The following LRP1B variants were observed in gnomAD, a reference collection of about 807,000 sequenced individuals.
The protein encoded by LRP1B is LDL receptor related protein 1B, also known as low-density lipoprotein receptor-related protein 1B.
A neutral mutation model predicts 556.6 loss-of-function variants in LRP1B; 217 were observed. The observed-to-expected ratio is 0.39, with a 90% confidence interval of 0.35 to 0.44. The LOEUF (loss-of-function observed/expected upper bound fraction) is 0.44, where lower values mean the gene tolerates loss of function less well. Ranked by LOEUF, LRP1B falls within the 20% of genes least tolerant of loss-of-function variation. LRP1B has a pLI of 1.00. For missense variants in LRP1B, 5,053 were observed against 5,620.8 expected (o/e 0.90, Z 3.23); for synonymous variants, 2,047 against 1,865.8 (o/e 1.10, Z -2.50).
At chr2:141,082,561 ACC>A (rs1699951572) in intron 7 of LRP1B, among the ~76,000 whole-genome samples, 3 of 152,212 alleles carry the variant, frequency 2.0e-5, no homozygotes, top group African/African-American at 7.2e-5. Flanking sequence ...ATATTATCTT[ACC>A]CATGTAACTC....
At chr2:141,398,262 T>C (rs141254285) in intron 3 of LRP1B, among the ~76,000 whole-genome samples, 165 of 152,334 alleles carry the variant, frequency 1.1e-3, no homozygotes, top group Middle Eastern at 3.4e-3. Flanking sequence ...AATGATCTGA[T>C]GTCAGTTGTA....
At chr2:142,003,525 C>G (rs1400664243) in intron 1 of LRP1B, among the ~76,000 whole-genome samples, 1 of 152,160 alleles carries the variant, frequency 6.6e-6, no homozygotes, top group Non-Finnish European at 1.5e-5. Context: ...CCCCTCTGCA[C>G]AACCAGAAGC....
intron 1 of LRP1B, among the ~76,000 whole-genome samples, chr2:141,962,784 A>G (rs1451913538): frequency 6.6e-6 from 1 of 151,848 alleles, no homozygotes; most frequent in African/African-American, 2.4e-5. Flanking sequence ...TTCATATGCT[A>G]CTTGGGCATG....
intron 2 of LRP1B, among the ~76,000 whole-genome samples, chr2:141,571,138 A>G (rs1686512915): frequency 6.7e-6 from 1 of 149,948 alleles, no homozygotes; most frequent in Non-Finnish European, 1.5e-5. Context: ...GACACCCTAT[A>G]CAGGAGTGAT....
intron 41 of LRP1B, among the ~76,000 whole-genome samples, chr2:140,623,885 C>T (rs1283546691): frequency 6.7e-6 from 1 of 148,550 alleles, no homozygotes; most frequent in Non-Finnish European, 1.5e-5. Context: ...TGCCACTGCA[C>T]TCCAATCTGG....
At chr2:141,608,928 A>C (rs1247056157) in intron 2 of LRP1B, among the ~76,000 whole-genome samples, 1 of 152,192 alleles carries the variant, frequency 6.6e-6, no homozygotes, top group African/African-American at 2.4e-5. Context: ...TAATGAATCT[A>C]TTTTAGATTT....
intron 41 of LRP1B, among the ~76,000 whole-genome samples, chr2:140,681,074 A>G (rs1413202472): frequency 6.6e-6 from 1 of 152,194 alleles, no homozygotes; most frequent in Non-Finnish European, 1.5e-5. Flanking sequence ...AGCATTATTG[A>G]ACAAAGTTGT....
chr2:141,747,305 C>A (rs1693950907), intron 2 of LRP1B, among the ~76,000 whole-genome samples: 1 of 152,180 alleles, frequency 6.6e-6, no homozygotes, highest in African/African-American at 2.4e-5. Context: ...AAAAGCCCAG[C>A]TCCACAAATT....
At chr2:141,675,710 T>G (rs1049607172) in intron 2 of LRP1B, among the ~76,000 whole-genome samples, 4 of 151,052 alleles carry the variant, frequency 2.6e-5, no homozygotes, top group African/African-American at 7.3e-5. Context: ...TATGCACTGT[T>G]TTAGTAGAAG....
intron 3 of LRP1B, among the ~76,000 whole-genome samples, chr2:141,354,950 T>C (rs1378824027): frequency 1.3e-5 from 2 of 152,086 alleles, no homozygotes; most frequent in Non-Finnish European, 2.9e-5. Flanking sequence ...AGTAGCAAAA[T>C]AGAAAAATGT....
intron 1 of LRP1B, among the ~76,000 whole-genome samples, chr2:141,973,477 A>G (rs924994508): frequency 2.0e-5 from 3 of 151,804 alleles, no homozygotes; most frequent in Non-Finnish European, 4.4e-5. Context: ...GAAGGAAAAG[A>G]AAAGCAGTTT....
chr2:140,394,872 A>G (rs188298931), intron 66 of LRP1B, among the ~76,000 whole-genome samples: 117 of 152,258 alleles, frequency 7.7e-4, no homozygotes, highest in Non-Finnish European at 1.4e-3. Context: ...TCATAACCTC[A>G]TATTTCTAGG....
rs1399323848 is a variant in LRP1B at position 141,413,012 on chromosome 2, A to C, written c.343+67384T>G. Among the ~76,000 whole-genome samples, 8 of 152,262 alleles carry C rather than the reference A, an allele frequency of 5.3e-5. No individual in the cohort carries two copies. The East Asian group carries it at 1.5e-3, about 29-fold the overall frequency. On this transcript the variant is annotated intron_variant, in intron 3 of 90. Coordinates refer to ENST00000389484, the MANE Select transcript of LRP1B (RefSeq NM_018557.3). ...AAGGCCAGAGCAAGGGGAAGACTTA[A>C]GGCTAGGAGTTCAGTAACAGCCTGG...
intron 2 of LRP1B, among the ~76,000 whole-genome samples, chr2:141,774,091 CA>C (rs1458364414): frequency 6.6e-6 from 1 of 152,162 alleles, no homozygotes; most frequent in African/African-American, 2.4e-5. Flanking sequence ...ACCACTTTGG[CA>C]GAAATCACAA....
intron 41 of LRP1B, among the ~76,000 whole-genome samples, chr2:140,635,012 T>C (rs1303544538): frequency 6.6e-6 from 1 of 152,078 alleles, no homozygotes; most frequent in Non-Finnish European, 1.5e-5. Flanking sequence ...ATGACAGTAA[T>C]ATATTAGCAA....
intron 86 of LRP1B, chr2:140,269,324 G>A (rs1231080819): frequency 8.5e-6 from 4 of 470,926 alleles, no homozygotes; most frequent in Non-Finnish European, 1.8e-5. Flanking sequence ...TCTGACAGTA[G>A]TGATCACAAG....
At chr2:140,458,180 T>C (rs1473937634) in intron 60 of LRP1B, among the ~76,000 whole-genome samples, 1 of 152,150 alleles carries the variant, frequency 6.6e-6, no homozygotes, top group East Asian at 1.9e-4. Context: ...ATAAACCTTT[T>C]CAGCCACTGA....
intron 1 of LRP1B, among the ~76,000 whole-genome samples, chr2:141,965,715 G>A (rs1701540112): frequency 7.3e-6 from 1 of 136,476 alleles, no homozygotes; most frequent in Admixed American, 7.9e-5. Context: ...CCTGCACAAT[G>A]TGCACATGTA....
intron 16 of LRP1B, among the ~76,000 whole-genome samples, chr2:140,990,190 C>G (rs1029471972): frequency 1.6e-5 from 2 of 127,246 alleles, no homozygotes; most frequent in Admixed American, 7.6e-5. Context: ...AAGCGAAACT[C>G]CATCTCAAAA....
Sources: gnomAD v4.1 joint callset for allele counts (sites outside exome capture counted in the v4.1 genomes callset) on GRCh38, gnomAD v4.1.1 for gene constraint, MANE v1.5 for transcripts, NCBI Gene and HGNC (gene_info 2026-07-23, HGNC 2026-07-21) for gene names.